Variants in PTPN22 observed in about 807,000 individuals in gnomAD.
PTPN22 encodes protein tyrosine phosphatase non-receptor type 22, also known as tyrosine-protein phosphatase non-receptor type 22.
A neutral mutation model predicts 103.3 loss-of-function variants in PTPN22; 85 were observed. The observed-to-expected ratio is 0.82, with a 90% CI of 0.69 to 0.99. PTPN22 has a LOEUF of 0.99. Ranked by LOEUF, PTPN22 falls within the 50% of genes least tolerant of loss-of-function variation. PTPN22 has a pLI of 0.00. For missense variants in PTPN22, 865 were observed against 936.9 expected, an observed-to-expected ratio of 0.92 and a Z score of 1.00; for synonymous variants, 323 against 310.2, an observed-to-expected ratio of 1.04 and a Z score of -0.43.
At chr1:113,815,771 C>T (rs977693474) in intron 20 of PTPN22, among the ~76,000 whole-genome samples, 16 of 152,158 alleles carry the variant, frequency 1.1e-4, no homozygotes, top group Non-Finnish European at 1.8e-4. Flanking sequence ...CTCCGCCTCC[C>T]GGGTTCAAGC....
At chr1:113,850,196 CAAAAGAAGGAAGGAAGGAAGG>C (rs1337454625) in intron 10 of PTPN22, among the ~76,000 whole-genome samples, 1 of 119,182 alleles carries the variant, frequency 8.4e-6, no homozygotes, top group Non-Finnish European at 1.7e-5. Context: ...AACTCCATCT[CAAAAGAAGGAAGGAAGGAAGG>C]AAGGAAGGAA....
Position 113,834,543 on chromosome 1 carries a change from T to C in PTPN22, c.1895-104A>G. On this transcript the variant is annotated intron_variant, in intron 14 of 20. Coordinates refer to ENST00000359785, the Ensembl canonical transcript of PTPN22. ...TAAAACATTGAAAGGACCTGAGAAG[T>C]AATCTAGTTAATTCACACTTCATTT... 2.5e-6 allele frequency: 3 copies of C among 1,189,266 alleles called. No homozygotes were observed. In the African/African-American group the frequency reaches 4.6e-5, roughly 18 times the overall value. The allele number at this position is 1,189,266 out of a possible 1,614,324, so 73.7% of individuals were successfully genotyped here.
chr1:113,864,136 C>CA (rs1477864547), intron 1 of PTPN22: 1 of 368,956 alleles, frequency 2.7e-6, no homozygotes, highest in African/African-American at 2.2e-5. Context: ...AACAAACAAA[C>CA]AAAAAACTGA....
intron 11 of PTPN22, among the ~76,000 whole-genome samples, chr1:113,847,012 TGGTCCCTTAGTTCCCTGCAGCTCTGTTTA>T (rs1558040158): frequency 2.9e-5 from 3 of 102,528 alleles, no homozygotes; most frequent in African/African-American, 4.3e-5. Context: ...TTTTTTTTTT[TGGTCCCTTAGTTCCCTGCAGCTCTGTTTA>T]TTTTTTTTTC....
intron 11 of PTPN22, among the ~76,000 whole-genome samples, chr1:113,846,344 G>C (rs948923982): frequency 2.0e-5 from 3 of 151,860 alleles, no homozygotes; most frequent in Non-Finnish European, 4.4e-5. Context: ...CAGATATATG[G>C]TATCACACTC....
intron 1 of PTPN22, among the ~76,000 whole-genome samples, chr1:113,869,606 G>T (rs1666410589): frequency 6.6e-6 from 1 of 152,068 alleles, no homozygotes; most frequent in African/African-American, 2.4e-5. Context: ...TGTTGGCCAG[G>T]ATGGTCTCAA....
chr1:113,850,053 TG>T (rs1664423878), intron 10 of PTPN22, among the ~76,000 whole-genome samples: 1 of 152,004 alleles, frequency 6.6e-6, no homozygotes, highest in East Asian at 1.9e-4. Flanking sequence ...AAAAATTAGC[TG>T]GGCATGGTGA....
At chr1:113,832,857 TA>T (rs1662665544) in intron 16 of PTPN22, 1 of 333,984 alleles carries the variant, frequency 3.0e-6, no homozygotes, top group African/African-American at 2.2e-5. Context: ...TGCAAAGTTT[TA>T]AAAGATTCTC....
chr1:113,852,300 G>A (rs2102067186), intron 9 of PTPN22, among the ~76,000 whole-genome samples, 196 bp from the exon 10 acceptor site: 1 of 152,134 alleles, frequency 6.6e-6, no homozygotes, highest in Non-Finnish European at 1.5e-5. Flanking sequence ...CCCTAGAAAA[G>A]ACTAAAGAAA....
chr1:113,815,208 A>G (rs999100808), intron 20 of PTPN22, among the ~76,000 whole-genome samples: 2 of 152,182 alleles, frequency 1.3e-5, no homozygotes, highest in Non-Finnish European at 2.9e-5. Flanking sequence ...TAATAATGGT[A>G]ATAATAGAAT....
intron 16 of PTPN22, 139 bp from the exon 17 acceptor site, chr1:113,830,168 G>A: frequency 1.5e-6 from 1 of 677,724 alleles, no homozygotes; most frequent in Non-Finnish European, 2.4e-6. Context: ...TCTGAAAAAT[G>A]ACTGGAGCCT....
chr1:113,838,284 A>C, exon 13 of PTPN22: 1 of 1,614,042 alleles, frequency 6.2e-7, no homozygotes, highest in South Asian at 1.1e-5. Context: ...TGCTTGATTT[A>C]GCAGGGTGCA....
At chr1:113,850,151 C>T (rs1009590781) in intron 10 of PTPN22, among the ~76,000 whole-genome samples, 4 of 147,938 alleles carry the variant, frequency 2.7e-5, no homozygotes, top group Admixed American at 1.4e-4. Flanking sequence ...GAGCCAAGAT[C>T]GCACCATTGC....
At chr1:113,851,615 G>C (rs1664577606) in intron 10 of PTPN22, among the ~76,000 whole-genome samples, 1 of 152,066 alleles carries the variant, frequency 6.6e-6, no homozygotes, top group South Asian at 2.1e-4. Context: ...TCCATATTCT[G>C]TTACCACATC....
chr1:113,833,410 T>C (rs1203846647), intron 15 of PTPN22, among the ~76,000 whole-genome samples: 1 of 152,192 alleles, frequency 6.6e-6, no homozygotes, highest in Non-Finnish European at 1.5e-5. Flanking sequence ...TCCCTGAAAA[T>C]TTAATTAGAG....
At chr1:113,835,102 C>A in intron 13 of PTPN22, 109 bp from the exon 14 acceptor site, 1 of 596,528 alleles carries the variant, frequency 1.7e-6, no homozygotes, top group South Asian at 5.9e-5. Flanking sequence ...TATTTAAATT[C>A]CGTTGAAGCA....
chr1:113,817,089 G>C (rs906471696), intron 20 of PTPN22, among the ~76,000 whole-genome samples: 2 of 152,110 alleles, frequency 1.3e-5, no homozygotes, highest in Non-Finnish European at 2.9e-5. Flanking sequence ...TTACTCTTCC[G>C]AGTGGCAAGA....
At chr1:113,830,446 A>C (rs1392618173) in intron 16 of PTPN22, among the ~76,000 whole-genome samples, 1 of 152,156 alleles carries the variant, frequency 6.6e-6, no homozygotes, top group African/African-American at 2.4e-5. Context: ...AAAGTATAGA[A>C]AGGAGAACGG....
chr1:113,816,295 A>G (rs1258973552), intron 20 of PTPN22, among the ~76,000 whole-genome samples: 3 of 152,008 alleles, frequency 2.0e-5, no homozygotes, highest in Non-Finnish European at 4.4e-5. Context: ...CAACATAGTG[A>G]AACCTTGTCT....
Sources: gnomAD v4.1 joint callset for allele counts (sites outside exome capture counted in the v4.1 genomes callset) on GRCh38, gnomAD v4.1.1 for gene constraint, MANE v1.5 for transcripts, NCBI Gene and HGNC (gene_info 2026-07-23, HGNC 2026-07-21) for gene names.